Variants in HMCN1 observed in about 807,000 individuals in gnomAD.
HMCN1 encodes hemicentin 1, also known as hemicentin-1.
A neutral mutation model predicts 625.9 loss-of-function variants in HMCN1; 321 were observed. The ratio of observed to expected loss-of-function variants is 0.51; its 90% CI spans 0.47 to 0.56. The LOEUF is 0.56. Among genes scored for constraint, HMCN1 ranks in the 20% least tolerant of loss-of-function variants. The probability of loss-of-function intolerance (pLI) is 0.00; values close to 1 mark genes in which losing one functional copy is unlikely to be tolerated. For synonymous variants in HMCN1, 2,425 were observed against 2,417.6 expected, an observed-to-expected ratio of 1.00 and a Z score of -0.09; for missense variants, 6,588 against 6,887.3, an observed-to-expected ratio of 0.96 and a Z score of 1.54.
chr1:185,757,944 T>A (rs929860052), intron 1 of HMCN1, among the ~76,000 whole-genome samples: 14 of 152,214 alleles, frequency 9.2e-5, no homozygotes, highest in Non-Finnish European at 2.1e-4. Flanking sequence ...CACTGTAGGA[T>A]GCTGGAGGGC....
intron 6 of HMCN1, among the ~76,000 whole-genome samples, chr1:185,920,038 C>T (rs1666923234): frequency 6.6e-6 from 1 of 152,150 alleles, no homozygotes; most frequent in Non-Finnish European, 1.5e-5. Context: ...AAAACAATAG[C>T]TTACTTTAAT....
At chr1:185,877,082 G>C (rs1161355078) in intron 4 of HMCN1, among the ~76,000 whole-genome samples, 1 of 151,812 alleles carries the variant, frequency 6.6e-6, no homozygotes, top group Non-Finnish European at 1.5e-5. Flanking sequence ...GTTGATTTTT[G>C]TATATTGTAA....
At chr1:185,927,445 G>T (rs1375345267) in intron 9 of HMCN1, among the ~76,000 whole-genome samples, 3 of 152,198 alleles carry the variant, frequency 2.0e-5, no homozygotes, top group Non-Finnish European at 4.4e-5. Flanking sequence ...TTTAACTAAA[G>T]TGAATTTTCT....
At chr1:186,025,216 A>G (rs993106029) in intron 36 of HMCN1, among the ~76,000 whole-genome samples, 1 of 152,122 alleles carries the variant, frequency 6.6e-6, no homozygotes. Flanking sequence ...CTCAGGTGGT[A>G]ATGCTTGCTC....
intron 81 of HMCN1, 128 bp from the exon 82 acceptor site, chr1:186,125,476 A>G: frequency 1.4e-6 from 1 of 725,220 alleles, no homozygotes; most frequent in Non-Finnish European, 2.4e-6. Context: ...ATATCTTAAT[A>G]GATTTTCATT....
chr1:185,875,686 C>T (rs1338784795), intron 4 of HMCN1, among the ~76,000 whole-genome samples: 1 of 152,044 alleles, frequency 6.6e-6, no homozygotes, highest in Non-Finnish European at 1.5e-5. Flanking sequence ...ATCTCTATTC[C>T]TTCTCTGCCT....
At chr1:185,948,285 G>T (rs1009737511) in intron 11 of HMCN1, among the ~76,000 whole-genome samples, 1 of 152,106 alleles carries the variant, frequency 6.6e-6, no homozygotes, top group Admixed American at 6.6e-5. Flanking sequence ...CATTTCATGC[G>T]TGTCCATGTG....
intron 48 of HMCN1, among the ~76,000 whole-genome samples, chr1:186,063,477 G>A (rs1007256289): frequency 2.2e-5 from 3 of 138,274 alleles, no homozygotes; most frequent in Non-Finnish European, 4.7e-5. Context: ...AAGGAAGGAA[G>A]GAAGGAAGGA....
At chr1:185,992,532 A>G (rs1180467723) in intron 22 of HMCN1, among the ~76,000 whole-genome samples, 1 of 152,096 alleles carries the variant, frequency 6.6e-6, no homozygotes, top group Non-Finnish European at 1.5e-5. Context: ...ACTTTTTGTA[A>G]TATCACCTCT....
At chr1:185,774,856 A>G (rs1203762470) in intron 1 of HMCN1, among the ~76,000 whole-genome samples, 1 of 152,156 alleles carries the variant, frequency 6.6e-6, no homozygotes, top group African/African-American at 2.4e-5. Flanking sequence ...GGAATTAATA[A>G]TGGTTAGAAT....
chr1:186,065,675 A>T (rs1232750262), intron 49 of HMCN1, among the ~76,000 whole-genome samples: 1 of 152,184 alleles, frequency 6.6e-6, no homozygotes, highest in East Asian at 1.9e-4. Context: ...AAGATAGACT[A>T]ATCAGTAGTA....
chr1:185,982,444 T>C, intron 18 of HMCN1, 55 bp downstream of exon 18: 2 of 1,471,342 alleles, frequency 1.4e-6, no homozygotes, highest in East Asian at 2.4e-5. Flanking sequence ...TTCTTTTCTT[T>C]TTTTTTTTTT....
chr1:186,072,254 A>G (rs1326700456), intron 52 of HMCN1, among the ~76,000 whole-genome samples: 4 of 152,216 alleles, frequency 2.6e-5, no homozygotes, highest in Non-Finnish European at 5.9e-5. Flanking sequence ...ATTGACAGAC[A>G]TTAAAAACTG....
At chr1:186,100,396 C>A (rs986415524) in intron 68 of HMCN1, among the ~76,000 whole-genome samples, 4 of 152,050 alleles carry the variant, frequency 2.6e-5, no homozygotes, top group African/African-American at 9.7e-5. Flanking sequence ...TTAATTCTAT[C>A]CATGTGGTGG....
intron 1 of HMCN1, among the ~76,000 whole-genome samples, chr1:185,823,220 T>C (rs1198765879): frequency 2.0e-5 from 3 of 152,154 alleles, no homozygotes; most frequent in African/African-American, 7.2e-5. Context: ...AAATTTTGAA[T>C]AGATGTGATA....
At chr1:186,128,968 T>C (rs1661786089) in intron 83 of HMCN1, among the ~76,000 whole-genome samples, 1 of 150,480 alleles carries the variant, frequency 6.6e-6, no homozygotes, top group South Asian at 2.1e-4. Context: ...AGTTTTTTTC[T>C]ATTATAAAGA....
chr1:185,737,802 T>C (rs531094714), intron 1 of HMCN1, among the ~76,000 whole-genome samples: 1 of 152,340 alleles, frequency 6.6e-6, no homozygotes, highest in South Asian at 2.1e-4. Flanking sequence ...TCTTTTGATA[T>C]AAACCTTTAG....
chr1:186,032,792 G>A (rs1655550818), intron 36 of HMCN1, among the ~76,000 whole-genome samples: 1 of 151,930 alleles, frequency 6.6e-6, no homozygotes, highest in Non-Finnish European at 1.5e-5. Flanking sequence ...GTGCTGAAAG[G>A]GAACACTTTA....
At position 185,995,174 on chromosome 1, in the gene HMCN1, T is replaced by C. The variant is rs144209470; in HGVS notation, c.3778+87T>C. 165 of 1,223,314 alleles carry C rather than the reference T, an allele frequency of 1.3e-4. No individual in the cohort carries two copies. In the African/African-American group the frequency reaches 2.0e-3, roughly 15 times the overall value. 75.8% of individuals were successfully genotyped at this position (1,223,314 alleles called of 1,614,324 possible). The stretch of plus-strand genomic sequence containing the variant: ...GCTAAATAGATTATCTTCGATAATC[T>C]TAAATGACTTCAGAAAGAGTTCTAT... On this transcript the variant is annotated intron_variant, in intron 24 of 106. Coordinates refer to ENST00000271588, the MANE Select transcript of HMCN1 (RefSeq NM_031935.3).
Sources: gnomAD v4.1 joint callset for allele counts (sites outside exome capture counted in the v4.1 genomes callset) on GRCh38, gnomAD v4.1.1 for gene constraint, MANE v1.5 for transcripts, NCBI Gene and HGNC (gene_info 2026-07-23, HGNC 2026-07-21) for gene names.